MED12L: variants seen among roughly 807,000 people sequenced by gnomAD.
The protein encoded by MED12L is mediator complex subunit 12L, also known as mediator of RNA polymerase II transcription subunit 12-like protein.
In MED12L, 60 loss-of-function variants were observed where a neutral mutation model predicts 281.3. The ratio of observed to expected loss-of-function variants is 0.21; its 90% CI spans 0.17 to 0.26. MED12L has a LOEUF of 0.26. MED12L is among the 10% of genes least tolerant of loss of function. MED12L has a pLI of 1.00. For missense variants in MED12L, 2,146 were observed against 2,680.9 expected (o/e 0.80, Z 4.41); for synonymous variants, 974 against 987.2 (o/e 0.99, Z 0.25).
chr3:151,327,786 A>G (rs903571407), intron 16 of MED12L: 15 of 401,890 alleles, frequency 3.7e-5, no homozygotes, highest in Non-Finnish European at 6.2e-5. Context: ...GGCCATTTGT[A>G]TCCTGTTGCA....
In MED12L at chr3:151,383,798, C is replaced by T. The variant is rs760256628; in HGVS notation, c.4700C>T (p.Thr1567Met). The change falls in exon 34 of 45, where the codon ACG becomes ATG. Residue 1567 changes from threonine (T) to methionine (M), a missense_variant. Coordinates refer to ENST00000687756, the MANE Select transcript of MED12L (RefSeq NM_001393769.1). ...TGCTAGGTAGGAGGAATGTTTGACA[C>T]GGTGCAGAGGAGCACCCAGTGGACT... ...RLNLVGGMFD[T>M]VQRSTQWTTD... 7 of 1,610,790 alleles carry T rather than the reference C, an allele frequency of 4.3e-6. No homozygotes were observed. Among genetic ancestry groups the T allele is most frequent in the Non-Finnish European group, 5.9e-6 (7 of 1,178,198 alleles).
At chr3:151,223,060 G>T (rs1406372189) in intron 16 of MED12L, among the ~76,000 whole-genome samples, 1 of 151,858 alleles carries the variant, frequency 6.6e-6, no homozygotes, top group African/African-American at 2.4e-5. Context: ...TGGAAAGAAA[G>T]AGGTTAAGTT....
At chr3:151,260,561 G>C (rs1738671925) in intron 16 of MED12L, among the ~76,000 whole-genome samples, 1 of 152,010 alleles carries the variant, frequency 6.6e-6, no homozygotes, top group African/African-American at 2.4e-5. Context: ...ATGTTGCCGT[G>C]GTCGGTCTCG....
intron 16 of MED12L, among the ~76,000 whole-genome samples, chr3:151,225,484 A>T (rs1183940726): frequency 6.6e-6 from 1 of 152,170 alleles, no homozygotes; most frequent in African/African-American, 2.4e-5. Flanking sequence ...CTGCAGTAAT[A>T]CCATTAATTT....
chr3:151,144,134 G>A lies in MED12L; in HGVS notation c.557-12027G>A, dbSNP rs1717434284. 2.6e-5 allele frequency among the ~76,000 whole-genome samples: 4 copies of A among 152,196 alleles called. No homozygotes were observed. In the South Asian group the frequency reaches 8.3e-4, roughly 32 times the overall value. ...GAAGCCCCCGAAACTGTAGCTGTGGGGGAAGCTGGTGGTGTGACTGATGTG... is the reference window on the plus strand; with the variant it reads ...GAAGCCCCCGAAACTGTAGCTGTGGAGGAAGCTGGTGGTGTGACTGATGTG... On this transcript the variant is annotated intron_variant, in intron 5 of 44. Coordinates refer to ENST00000687756, the MANE Select transcript of MED12L (RefSeq NM_001393769.1).
At chr3:151,210,192 C>G (rs577490876) in intron 16 of MED12L, among the ~76,000 whole-genome samples, 3 of 152,322 alleles carry the variant, frequency 2.0e-5, no homozygotes, top group Non-Finnish European at 4.4e-5. Flanking sequence ...GGATCATGTT[C>G]CATCCCAACT....
intron 16 of MED12L, among the ~76,000 whole-genome samples, chr3:151,232,641 ATGGATGGAGC>A (rs1407400175): frequency 6.6e-6 from 1 of 152,222 alleles, no homozygotes; most frequent in Non-Finnish European, 1.5e-5. Context: ...TTGTGGGAAT[ATGGATGGAGC>A]TGGAAACCAT....
chr3:151,314,763 C>T (rs764242280), intron 16 of MED12L, among the ~76,000 whole-genome samples: 1 of 152,190 alleles, frequency 6.6e-6, no homozygotes. Context: ...AGCGTCTCAG[C>T]ATATCACCTG....
At chr3:151,165,367 A>C in intron 9 of MED12L, 53 bp from the exon 10 acceptor site, 1 of 1,411,858 alleles carries the variant, frequency 7.1e-7, no homozygotes, top group Non-Finnish European at 1.0e-6. Context: ...CATGATTTAG[A>C]CATGCGCTGT....
At chr3:151,251,606 T>A (rs1736875303) in intron 16 of MED12L, among the ~76,000 whole-genome samples, 1 of 152,218 alleles carries the variant, frequency 6.6e-6, no homozygotes, top group Non-Finnish European at 1.5e-5. Flanking sequence ...TAGAGTGCTC[T>A]GTGATTTGAC....
chr3:151,177,513 A>G (rs1300036483), intron 11 of MED12L, among the ~76,000 whole-genome samples: 5 of 152,164 alleles, frequency 3.3e-5, no homozygotes, highest in Admixed American at 2.0e-4. Context: ...TACTTGCTCA[A>G]TAATTTTTGT....
Position 151,116,384 on chromosome 3 carries a change from C to T in MED12L, c.146C>T (p.Pro49Leu), listed in dbSNP as rs763875927. The change falls in exon 3 of 45, where the codon CCA becomes CTA. Residue 49 changes from proline to leucine, a missense_variant. Coordinates refer to ENST00000687756, the MANE Select transcript of MED12L (RefSeq NM_001393769.1). ...VNVKQGFNNQ[P>L]AFTGDEHGSA... ...GTAAAGCAAGGCTTCAATAATCAGC[C>T]AGCCTTCACTGGAGATGAACATGGC... 110 of 1,613,366 alleles carry T rather than the reference C, an allele frequency of 6.8e-5. No homozygotes were observed. Among genetic ancestry groups the T allele is most frequent in the Non-Finnish European group, 9.1e-5 (107 of 1,179,598 alleles).
At chr3:151,429,006 G>T (rs1219463298) in intron 43 of MED12L, among the ~76,000 whole-genome samples, 1 of 152,166 alleles carries the variant, frequency 6.6e-6, no homozygotes, top group African/African-American at 2.4e-5. Flanking sequence ...TGTTGCACTG[G>T]CGTTGGGTAA....
chr3:151,169,575 C>T (rs951717337), intron 11 of MED12L, among the ~76,000 whole-genome samples: 6 of 151,968 alleles, frequency 3.9e-5, no homozygotes, highest in Admixed American at 3.9e-4. Flanking sequence ...GAGTACTTGC[C>T]CTTTTTTTCT....
At chr3:151,113,611 G>A (rs769228183) in intron 2 of MED12L, among the ~76,000 whole-genome samples, 1 of 152,202 alleles carries the variant, frequency 6.6e-6, no homozygotes. Context: ...ATGAGAAGTG[G>A]TCAAATTCTA....
chr3:151,338,520 T>C (rs751693118), intron 16 of MED12L: 9 of 1,613,862 alleles, frequency 5.6e-6, no homozygotes, highest in East Asian at 4.5e-5. Context: ...AATACTGATA[T>C]ACATTGTGAA....
chr3:151,231,162 G>A (rs1162877470), intron 16 of MED12L, among the ~76,000 whole-genome samples: 1 of 152,184 alleles, frequency 6.6e-6, no homozygotes, highest in African/African-American at 2.4e-5. Context: ...AAAAAGGTAG[G>A]ATGCAAATGA....
chr3:151,294,111 T>A (rs986397609), intron 16 of MED12L: 2 of 1,057,338 alleles, frequency 1.9e-6, no homozygotes, highest in Non-Finnish European at 2.8e-6. Flanking sequence ...GCAAGGATAA[T>A]GAAAAGAAAC....
At chr3:151,344,805 T>G (rs965144442) in intron 16 of MED12L, among the ~76,000 whole-genome samples, 2 of 152,236 alleles carry the variant, frequency 1.3e-5, no homozygotes, top group African/African-American at 4.8e-5. Flanking sequence ...ATTTAAAAAT[T>G]CTATGATAAT....
Sources: gnomAD v4.1 joint callset for allele counts (sites outside exome capture counted in the v4.1 genomes callset) on GRCh38, gnomAD v4.1.1 for gene constraint, MANE v1.5 for transcripts, NCBI Gene and HGNC (gene_info 2026-07-23, HGNC 2026-07-21) for gene names.